TRIM54: variants seen among roughly 807,000 people sequenced by gnomAD.
TRIM54 encodes the protein tripartite motif-containing protein 54.
In TRIM54, 40 loss-of-function variants were observed where a neutral mutation model predicts 42.0. The ratio of observed to expected loss-of-function variants is 0.95; its 90% CI spans 0.74 to 1.24. TRIM54 has a LOEUF of 1.24. Ranked by LOEUF, TRIM54 falls within the 50% of genes most tolerant of loss-of-function variation. TRIM54 has a pLI of 0.00. For missense variants in TRIM54, 485 were observed against 480.3 expected (o/e 1.01, Z -0.09); for synonymous variants, 199 against 194.9 (o/e 1.02, Z -0.17).
chr2:27,294,536 T>C (rs1238251607), intron 1 of TRIM54, among the ~76,000 whole-genome samples: 2 of 152,166 alleles, frequency 1.3e-5, no homozygotes, highest in Non-Finnish European at 2.9e-5. Flanking sequence ...CATGACCGTG[T>C]ACAATTTATT....
chr2:27,288,780 C>CT (rs1310584468), intron 1 of TRIM54, among the ~76,000 whole-genome samples: 3 of 152,190 alleles, frequency 2.0e-5, no homozygotes, highest in African/African-American at 7.2e-5. Context: ...AAGGGACAGA[C>CT]TAAGGACATA....
chr2:27,299,719 A>G (rs1233250832), intron 3 of TRIM54: 2 of 414,332 alleles, frequency 4.8e-6, no homozygotes, highest in African/African-American at 2.7e-5. Context: ...TATCTATCAT[A>G]TTTTGAGATG....
intron 1 of TRIM54, among the ~76,000 whole-genome samples, chr2:27,292,538 AT>A (rs903735672): frequency 1.3e-5 from 2 of 152,132 alleles, no homozygotes; most frequent in African/African-American, 4.8e-5. Flanking sequence ...GTCTCAAAAA[AT>A]TTTTTTTAAT....
intron 1 of TRIM54, among the ~76,000 whole-genome samples, chr2:27,294,370 C>T (rs1678807840): frequency 6.6e-6 from 1 of 152,042 alleles, no homozygotes; most frequent in African/African-American, 2.4e-5. Context: ...ATCCTGCTGC[C>T]TTGACCTCCC....
Position 27,289,846 on chromosome 2 carries a change from ATCTC to A in TRIM54, c.168+6953_168+6956del, listed in dbSNP as rs1272375712. Among the ~76,000 whole-genome samples the A allele has an allele frequency of 2.9e-5, 4 of 136,994 alleles. No homozygotes were observed. In the South Asian group the frequency reaches 7.1e-4, roughly 24 times the overall value. The allele number at this position is 136,994 out of a possible 152,430, so 89.9% of individuals were successfully genotyped here. On this transcript the variant is annotated intron_variant, in intron 1 of 8. Transcript: ENST00000380075. The stretch of plus-strand genomic sequence containing the variant: ...AGCCTGAGCAACATAGTGAGACACT[ATCTC>A]TCTCTTTCTCTTTTTTTTTTTTTTT...
At chr2:27,301,044 G>A (rs1247279844) in intron 3 of TRIM54, among the ~76,000 whole-genome samples, 1 of 151,568 alleles carries the variant, frequency 6.6e-6, no homozygotes, top group Non-Finnish European at 1.5e-5. Flanking sequence ...AGTCCATAGA[G>A]TAAAGTGAAA....
chr2:27,283,993 C>T (rs546516887), intron 1 of TRIM54, among the ~76,000 whole-genome samples: 259 of 152,094 alleles, frequency 1.7e-3, no homozygotes, highest in African/African-American at 6.0e-3. Flanking sequence ...ATTAGCCGGG[C>T]GTGGTTGCAG....
At position 27,306,396 on chromosome 2, in the gene TRIM54, G is replaced by A. The variant is rs1327549930; in HGVS notation, c.991+59G>A. 1.4e-5 allele frequency: 22 copies of A among 1,613,180 alleles called. No individual in the cohort carries two copies. The highest frequency in any genetic ancestry group is 1.6e-5 in the Non-Finnish European group (19 of 1,179,588). On this transcript the variant is annotated intron_variant, in intron 7 of 8. Transcript: ENST00000380075. The surrounding 1 kb of genome is among the most constrained non-coding windows in gnomAD (Gnocchi z 6.1). ...TTCGGACCCTCTGTGTGGGGGGTGC[G>A]GCGGGCACGATGGCCGTAAAGGCAG...
In TRIM54 at chr2:27,307,207, T is replaced by C. The variant is rs1679250978; in HGVS notation, c.*322T>C. Reference sequence around the variant, plus strand: ...GGGAAGAGGGCCGAGGGCGGGGCGGTGGTGCCGGGACCTCTGAGGTCCTGG... The same window carrying C: ...GGGAAGAGGGCCGAGGGCGGGGCGGCGGTGCCGGGACCTCTGAGGTCCTGG... On this transcript the variant is annotated 3_prime_UTR_variant, in exon 9 of 9. Transcript: ENST00000380075. The surrounding 1 kb of genome is among the most constrained non-coding windows in gnomAD (Gnocchi z 6.9). 2.4e-6 allele frequency: 1 copy of C among 414,410 alleles called. No individual in the cohort carries two copies. The highest frequency in any genetic ancestry group is 4.3e-5 in the Admixed American group (1 of 23,360). 25.7% of individuals were successfully genotyped at this position (414,410 alleles called of 1,614,324 possible).
chr2:27,286,462 C>T (rs1237334882), intron 1 of TRIM54, among the ~76,000 whole-genome samples: 2 of 152,208 alleles, frequency 1.3e-5, no homozygotes, highest in East Asian at 3.8e-4. Context: ...TGCACCCACT[C>T]AGCTACCAAG....
chr2:27,301,753 G>A (rs1250217146), intron 3 of TRIM54, among the ~76,000 whole-genome samples: 1 of 152,074 alleles, frequency 6.6e-6, no homozygotes, highest in Non-Finnish European at 1.5e-5. Flanking sequence ...TGGGAATGCA[G>A]CCCAGTAGGT....
At chr2:27,291,119 C>G (rs546787473) in intron 1 of TRIM54, among the ~76,000 whole-genome samples, 1 of 152,254 alleles carries the variant, frequency 6.6e-6, no homozygotes, top group Non-Finnish European at 1.5e-5. Context: ...TTTGGGAGGC[C>G]AAGGTAGGCA....
intron 1 of TRIM54, among the ~76,000 whole-genome samples, chr2:27,283,681 CT>C (rs201555855): frequency 0.022 from 3,013 of 139,336 alleles, 95 homozygotes; most frequent in African/African-American, 0.063. Context: ...TATAAGTGGG[CT>C]TTTTTTTTTT....
intron 1 of TRIM54, among the ~76,000 whole-genome samples, chr2:27,289,025 A>G (rs1678649306): frequency 6.6e-6 from 1 of 152,234 alleles, no homozygotes; most frequent in African/African-American, 2.4e-5. Context: ...TAGTCAGCTG[A>G]AAGATCTTTA....
At chr2:27,291,391 A>G (rs1310684817) in intron 1 of TRIM54, among the ~76,000 whole-genome samples, 1 of 152,176 alleles carries the variant, frequency 6.6e-6, no homozygotes, top group East Asian at 1.9e-4. Flanking sequence ...TGACTTTTAA[A>G]CCTTAAATAT....
chr2:27,305,200 A>T, intron 4 of TRIM54, 146 bp downstream of exon 4: 1 of 686,776 alleles, frequency 1.5e-6, no homozygotes, highest in Non-Finnish European at 2.5e-6. Context: ...TGCTTTTGCC[A>T]GGCTGCTGGG....
At chr2:27,283,802 A>G (rs1219616693) in intron 1 of TRIM54, among the ~76,000 whole-genome samples, 2 of 149,992 alleles carry the variant, frequency 1.3e-5, no homozygotes, top group African/African-American at 5.0e-5. Context: ...ACACACACAC[A>G]CACACACACA....
intron 1 of TRIM54, among the ~76,000 whole-genome samples, chr2:27,290,911 C>T (rs1268070862): frequency 6.6e-6 from 1 of 152,206 alleles, no homozygotes; most frequent in African/African-American, 2.4e-5. Flanking sequence ...AGCCACTCAA[C>T]ATTTGCAAAA....
chr2:27,298,408 G>A (rs946245190), intron 1 of TRIM54, among the ~76,000 whole-genome samples, 159 bp from the exon 2 acceptor site: 7 of 152,106 alleles, frequency 4.6e-5, no homozygotes, highest in Middle Eastern at 3.2e-3. Flanking sequence ...GCCGTCCACC[G>A]TGCGCTGCTC....
Sources: gnomAD v4.1 joint callset for allele counts (sites outside exome capture counted in the v4.1 genomes callset) on GRCh38, gnomAD v4.1.1 for gene constraint, Gnocchi (gnomAD v3.1) non-coding constraint, MANE v1.5 for transcripts, NCBI Gene and HGNC (gene_info 2026-07-23, HGNC 2026-07-21) for gene names.